Variants in HEXD observed in about 807,000 individuals in gnomAD.
HEXD encodes hexosaminidase D.
HEXD carries 47 observed loss-of-function variants against 54.2 expected under a neutral mutation model. The ratio of observed to expected loss-of-function variants is 0.87; its 90% CI spans 0.69 to 1.11. The LOEUF is 1.11. Among genes scored for constraint, HEXD ranks in the 50% least tolerant of loss-of-function variants. The probability of loss-of-function intolerance (pLI) is 0.00; values close to 1 mark genes in which losing one functional copy is unlikely to be tolerated. For synonymous variants in HEXD, 293 were observed against 287.6 expected (o/e 1.02, Z -0.19); for missense variants, 576 against 649.2 (o/e 0.89, Z 1.23).
At chr17:82,440,650 T>G (rs2053908532) in intron 9 of HEXD, 4 of 369,708 alleles carry the variant, frequency 1.1e-5, no homozygotes, top group Non-Finnish European at 2.0e-5. Flanking sequence ...CCATCGATTG[T>G]GTAAAACACA....
intron 3 of HEXD, among the ~76,000 whole-genome samples, chr17:82,425,082 TG>T (rs2053366046): frequency 7.3e-6 from 1 of 136,656 alleles, no homozygotes; most frequent in African/African-American, 2.9e-5. Context: ...TGGAGAAGGC[TG>T]GAGGAGGCTG....
chr17:82,419,904 C>T (rs764609570), intron 2 of HEXD, 21 bp downstream of exon 2: 2 of 1,497,062 alleles, frequency 1.3e-6, no homozygotes, highest in Non-Finnish European at 1.9e-6. Context: ...CCTTTTACCT[C>T]TAGAGCATTA....
intron 2 of HEXD, among the ~76,000 whole-genome samples, chr17:82,423,827 AAGAG>A (rs202071866): frequency 0.027 from 4,131 of 151,118 alleles, 78 homozygotes; most frequent in Non-Finnish European, 0.045. Flanking sequence ...AAAAAAAAAA[AAGAG>A]AGAAAGACAA....
rs140950374 is a variant in HEXD at position 82,429,385 on chromosome 17, C to T, written c.282+740C>T. Among the ~76,000 whole-genome samples the T allele has an allele frequency of 3.4e-3, 523 of 152,286 alleles. 3 individuals are homozygous for T. Among genetic ancestry groups the T allele is most frequent in the African/African-American group, 0.012 (497 of 41,554 alleles). ...TTATTTCTCTAACAGATACACCATT[C>T]TGGCTTCTATTTCCACACACCGCGG... On this transcript the variant is annotated intron_variant, in intron 4 of 12. Coordinates refer to ENST00000327949, the MANE Select transcript of HEXD (RefSeq NM_001330542.2).
chr17:82,440,937 T>A lies in HEXD; in HGVS notation c.983-60T>A. 4.4e-6 allele frequency: 7 copies of A among 1,580,990 alleles called. No homozygotes were observed. In the South Asian group the frequency reaches 4.4e-5, roughly 10 times the overall value. ...CAGTACCTAGGCCTGCAGGTCCCAA[T>A]GTAGCCCCCTCCCCTCCTCCAGAGG... On this transcript the variant is annotated intron_variant, in intron 9 of 12. Coordinates refer to ENST00000327949, the MANE Select transcript of HEXD (RefSeq NM_001330542.2).
chr17:82,420,098 CAG>C (rs1164440441), intron 2 of HEXD: 2 of 370,708 alleles, frequency 5.4e-6, no homozygotes, highest in African/African-American at 2.1e-5. Context: ...AAAAAAAAGA[CAG>C]AGAACAAAAG....
intron 9 of HEXD, chr17:82,440,277 G>A (rs910519288): frequency 6.2e-5 from 80 of 1,283,440 alleles, no homozygotes; most frequent in African/African-American, 5.2e-4. Flanking sequence ...AAAAATGGCC[G>A]AGACGCGCGG....
intron 9 of HEXD, 25 bp from the exon 10 acceptor site, chr17:82,440,972 C>T: frequency 1.2e-6 from 2 of 1,613,032 alleles, no homozygotes; most frequent in Non-Finnish European, 1.7e-6. Flanking sequence ...GCCCCTCCAA[C>T]CGCCCCGCTC....
At position 82,437,211 on chromosome 17, in the gene HEXD, G is replaced by A. The variant is rs2053795631; in HGVS notation, c.747G>A (p.Leu249=). ...ACCGGCGGTGCGGCTTTCCGCAGCT[G>A]TGGGCAGCCAGTGCCTTCAAGGGTG... ...QKYRRCGFPQ[L]WAASAFKGAT... is the part of the protein sequence containing the mutation. The change falls in exon 8 of 13, where the codon CTG becomes CTA. Residue 249 remains leucine (L), a synonymous_variant. Transcript: ENST00000327949. 1 of 1,605,596 alleles carries A rather than the reference G, an allele frequency of 6.2e-7. No homozygotes were observed. The highest frequency in any genetic ancestry group is 8.5e-7 in the Non-Finnish European group (1 of 1,174,966).
At chr17:82,439,750 C>A in intron 9 of HEXD, 37 bp downstream of exon 9, 1 of 1,598,722 alleles carries the variant, frequency 6.3e-7, no homozygotes, top group Non-Finnish European at 8.5e-7. Context: ...CCCACCGGCC[C>A]CTCCCCGAAA....
In HEXD at chr17:82,424,395, T is replaced by C; in HGVS notation, c.86T>C (p.Ile29Thr). ...AACCCCTCCCTGTTTACCCCCCAGA[T>C]TTTTCCTCTGTTCCGTGCGCTAGGT... ...APPKVSYLSE[I>T]FPLFRALGAN... is the part of the protein sequence containing the mutation. Residue 29 changes from isoleucine (I) to threonine (T), a missense_variant and splice_region_variant, in exon 3 of 13, where the codon ATT (isoleucine) becomes ACT (threonine). Physicochemically the swap from Ile to Thr is moderately conservative, Grantham distance 89 (BLOSUM62 -1). Transcript: ENST00000327949. 3 of 1,612,104 alleles carry C rather than the reference T, an allele frequency of 1.9e-6. No homozygotes were observed. In the East Asian group the frequency reaches 6.7e-5, roughly 36 times the overall value.
chr17:82,422,783 G>A (rs543154905), intron 2 of HEXD, among the ~76,000 whole-genome samples: 30 of 152,148 alleles, frequency 2.0e-4, no homozygotes, highest in East Asian at 1.2e-3. Flanking sequence ...TGGGCCAGGC[G>A]CGGTGGCTCA....
intron 1 of HEXD, among the ~76,000 whole-genome samples, chr17:82,419,452 G>A (rs547586773): frequency 6.6e-6 from 1 of 152,302 alleles, no homozygotes; most frequent in African/African-American, 2.4e-5. Flanking sequence ...AGTACATCTA[G>A]TTTAACAAGG....
Position 82,433,115 on chromosome 17 carries a change from TATATATATATA to T in HEXD, c.283-542_283-532del, listed in dbSNP as rs1303058229. Among the ~76,000 whole-genome samples the T allele has an allele frequency of 7.4e-4, 11 of 14,856 alleles. 1 individual carries two copies. The South Asian group carries it at 8.2e-3, about 11-fold the overall frequency. The allele number at this position is 14,856 out of a possible 152,430, so 9.7% of individuals were successfully genotyped here. ...AAATATATATATATATATATATATA[TATATATATATA>T]TATTTTTTTTTTTTTTTTATATATA... On this transcript the variant is annotated intron_variant, in intron 4 of 12. Coordinates refer to ENST00000327949, the MANE Select transcript of HEXD (RefSeq NM_001330542.2).
intron 4 of HEXD, among the ~76,000 whole-genome samples, chr17:82,432,900 AAAAC>A (rs1467059676): frequency 1.0e-3 from 148 of 147,376 alleles, no homozygotes; most frequent in African/African-American, 3.4e-3. Flanking sequence ...CGTCTCTACT[AAAAC>A]AAAATACAAA....
rs545370261 is a variant in HEXD at position 82,425,439 on chromosome 17, C to T, written c.194+936C>T. On this transcript the variant is annotated intron_variant, in intron 3 of 12. Coordinates refer to ENST00000327949, the MANE Select transcript of HEXD (RefSeq NM_001330542.2). The stretch of plus-strand genomic sequence containing the variant: ...TGGAGGATGCTGGAGGAGGCCTCCG[C>T]GCAGGGAGGGGCTGCTCTTCAGGCC... 2.1e-4 allele frequency: 34 copies of T among 161,036 alleles called. No individual in the cohort carries two copies. In the East Asian group the frequency reaches 5.3e-3, roughly 25 times the overall value. The allele number at this position is 161,036 out of a possible 1,614,324, so 10.0% of individuals were successfully genotyped here.
In HEXD at chr17:82,433,128, ATTTTT is replaced by A. The variant is rs758489285; in HGVS notation, c.283-518_283-514del. Reference sequence around the variant, plus strand: ...TATATATATATATATATATATATATATTTTTTTTTTTTTTTTATATATATATTTTT... The same window carrying A: ...TATATATATATATATATATATATATATTTTTTTTTTTATATATATATTTTT... On this transcript the variant is annotated intron_variant, in intron 4 of 12. Coordinates refer to ENST00000327949, the MANE Select transcript of HEXD (RefSeq NM_001330542.2). 8.3e-3 allele frequency among the ~76,000 whole-genome samples: 108 copies of A among 13,034 alleles called. 9 individuals carry two copies. The highest frequency in any genetic ancestry group is 0.026 in the Admixed American group (17 of 664). The allele number at this position is 13,034 out of a possible 152,430, so 8.6% of individuals were successfully genotyped here.
At chr17:82,440,836 C>G (rs148733256) in intron 9 of HEXD, among the ~76,000 whole-genome samples, 161 bp from the exon 10 acceptor site, 1,930 of 152,312 alleles carry the variant, frequency 0.013, 49 homozygotes, top group African/African-American at 0.045. Flanking sequence ...CCCATTTGCC[C>G]CCAGGTCCCC....
chr17:82,425,311 G>A (rs555201145), intron 3 of HEXD, among the ~76,000 whole-genome samples: 9 of 151,994 alleles, frequency 5.9e-5, no homozygotes, highest in African/African-American at 2.2e-4. Context: ...GGTTAGAGAA[G>A]GCCAGAGAAG....
Sources: gnomAD v4.1 joint callset for allele counts (sites outside exome capture counted in the v4.1 genomes callset) on GRCh38, gnomAD v4.1.1 for gene constraint, MANE v1.5 for transcripts, NCBI Gene and HGNC (gene_info 2026-07-23, HGNC 2026-07-21) for gene names.